RBM47: variants seen among roughly 807,000 people sequenced by gnomAD.
The protein encoded by RBM47 is RNA-binding protein 47.
A neutral mutation model predicts 47.1 loss-of-function variants in RBM47; 21 were observed. The observed-to-expected ratio is 0.45, with a 90% CI of 0.32 to 0.64. The LOEUF is 0.64. RBM47 is among the 30% of genes least tolerant of loss of function. The pLI is 0.05. For missense variants in RBM47, 708 were observed against 870.9 expected, an observed-to-expected ratio of 0.81 and a Z score of 2.35; for synonymous variants, 375 against 361.7, an observed-to-expected ratio of 1.04 and a Z score of -0.42.
chr4:40,481,480 AT>A (rs1464074002), intron 2 of RBM47, among the ~76,000 whole-genome samples: 2 of 114,196 alleles, frequency 1.8e-5, no homozygotes, highest in Admixed American at 9.0e-5. Flanking sequence ...TATTATTATT[AT>A]TATTATTTTT....
chr4:40,580,505 A>T (rs1455446086), intron 1 of RBM47, among the ~76,000 whole-genome samples: 1 of 152,162 alleles, frequency 6.6e-6, no homozygotes, highest in Non-Finnish European at 1.5e-5. Flanking sequence ...GATGCTGAAG[A>T]GAAAGCCCGA....
chr4:40,592,975 ATATATTTTTTT>A (rs1553906557), intron 1 of RBM47, among the ~76,000 whole-genome samples: 5 of 14,882 alleles, frequency 3.4e-4, no homozygotes, highest in Admixed American at 1.4e-3. Flanking sequence ...ATATATATAT[ATATATTTTTTT>A]TTTTTTTTTT....
chr4:40,584,240 C>T (rs1354593359), intron 1 of RBM47, among the ~76,000 whole-genome samples: 1 of 152,106 alleles, frequency 6.6e-6, no homozygotes, highest in African/African-American at 2.4e-5. Context: ...CTAGGATTAC[C>T]AGTATGAGCC....
chr4:40,440,189 T>C (rs1713412482), intron 3 of RBM47, among the ~76,000 whole-genome samples: 1 of 152,204 alleles, frequency 6.6e-6, no homozygotes, highest in South Asian at 2.1e-4. Context: ...TTCAGTTAAA[T>C]TTATAGAAAG....
chr4:40,568,799 G>A (rs1407519660), intron 1 of RBM47, among the ~76,000 whole-genome samples: 1 of 151,888 alleles, frequency 6.6e-6, no homozygotes, highest in African/African-American at 2.4e-5. Flanking sequence ...TAACTAACAT[G>A]GTGAAACCCC....
At chr4:40,556,447 A>G (rs931409275) in intron 1 of RBM47, among the ~76,000 whole-genome samples, 1 of 151,736 alleles carries the variant, frequency 6.6e-6, no homozygotes, top group African/African-American at 2.4e-5. Flanking sequence ...AGGCCAAGGT[A>G]GGAGGATCAC....
At chr4:40,487,430 CA>C (rs1721252589) in intron 2 of RBM47, among the ~76,000 whole-genome samples, 1 of 152,164 alleles carries the variant, frequency 6.6e-6, no homozygotes, top group African/African-American at 2.4e-5. Context: ...GCTGGGTCTA[CA>C]GGTGTGCACA....
chr4:40,466,334 A>C (rs1419418726), intron 3 of RBM47, among the ~76,000 whole-genome samples: 1 of 151,806 alleles, frequency 6.6e-6, no homozygotes, highest in Non-Finnish European at 1.5e-5. Flanking sequence ...TAAGGGTCAG[A>C]TTTATAAGCA....
rs200374378 is a variant in RBM47, at chr4:40,432,689, C to A, written c.1504G>T (p.Ala502Ser). The A allele has an allele frequency of 8.1e-6, 13 of 1,598,134 alleles. No individual in the cohort carries two copies. Among genetic ancestry groups the A allele is most frequent in the Non-Finnish European group, 1.0e-5 (12 of 1,172,560 alleles). ...GGCGTCGACACAGTGGGAATGACAG[C>A]GGCTGCGGCGGCTGCGGCCGCGGCT... ...AAAAAAAAAA[A>S]VIPTVSTPPP... The change falls in exon 6 of 7, where the codon GCT becomes TCT. Residue 502 changes from alanine (A) to serine (S), a missense_variant. Ala to Ser is a moderately conservative substitution (Grantham distance 99). Transcript: ENST00000295971.
chr4:40,565,451 C>T (rs148982097), intron 1 of RBM47, among the ~76,000 whole-genome samples: 1 of 152,050 alleles, frequency 6.6e-6, no homozygotes, highest in South Asian at 2.1e-4. Flanking sequence ...GAGGCCTGGC[C>T]GGTGGTGGTG....
intron 2 of RBM47, among the ~76,000 whole-genome samples, chr4:40,482,806 T>C (rs1720600458): frequency 1.3e-5 from 2 of 152,246 alleles, no homozygotes; most frequent in African/African-American, 4.8e-5. Context: ...AAATGAGTTA[T>C]GTGGAGTCTA....
intron 2 of RBM47, among the ~76,000 whole-genome samples, chr4:40,535,706 C>T (rs1560452714): frequency 6.6e-6 from 1 of 152,066 alleles, no homozygotes; most frequent in Non-Finnish European, 1.5e-5. Context: ...ATTACCAGCG[C>T]CTGCCACCAC....
chr4:40,560,819 ACC>A (rs556773947), intron 1 of RBM47, among the ~76,000 whole-genome samples: 60 of 152,078 alleles, frequency 3.9e-4, no homozygotes, highest in African/African-American at 1.4e-3. Context: ...ACAAAAAATT[ACC>A]CAGGCATGGT....
chr4:40,466,239 C>G (rs1350912035), intron 3 of RBM47, among the ~76,000 whole-genome samples: 1 of 145,642 alleles, frequency 6.9e-6, no homozygotes, highest in Non-Finnish European at 1.5e-5. Context: ...CTGCACTCCA[C>G]CCTGGGTAAC....
intron 4 of RBM47, among the ~76,000 whole-genome samples, chr4:40,437,086 A>ATATATATAT (rs1445157694): frequency 6.9e-5 from 4 of 58,042 alleles, no homozygotes; most frequent in African/African-American, 4.0e-4. Context: ...AAAAAAAAAA[A>ATATATATAT]AAAAATATAT....
chr4:40,599,791 A>G (rs1482964156), intron 1 of RBM47, among the ~76,000 whole-genome samples: 2 of 151,888 alleles, frequency 1.3e-5, no homozygotes, highest in East Asian at 3.8e-4. Context: ...AATACTACCA[A>G]CTAACCCCAG....
Position 40,432,718 on chromosome 4 carries a change from G to A in RBM47, c.1475C>T (p.Ala492Val). The A allele has an allele frequency of 6.2e-7, 1 of 1,611,026 alleles. No individual in the cohort carries two copies. The highest frequency in any genetic ancestry group is 8.5e-7 in the Non-Finnish European group (1 of 1,178,942). The change falls in exon 6 of 7, where the codon GCC becomes GTC. Residue 492 changes from alanine (A) to valine (V), a missense_variant. By Grantham distance (64) the Ala-to-Val change is moderately conservative. Coordinates refer to ENST00000295971, the MANE Select transcript of RBM47 (RefSeq NM_001098634.2). ...VQPDPASAAA[A>V]AAAAAAAAAA... ...TGCGGCGGCTGCGGCCGCGGCTGCG[G>A]CGGCAGCAGCACTGGCTGGGTCTGG...
intron 2 of RBM47, among the ~76,000 whole-genome samples, chr4:40,529,242 C>T (rs1348513767): frequency 1.3e-5 from 2 of 151,986 alleles, no homozygotes; most frequent in Non-Finnish European, 2.9e-5. Context: ...CGAGGTGGCT[C>T]ACGCCTGTAA....
chr4:40,518,427 C>G (rs766695246), intron 2 of RBM47, among the ~76,000 whole-genome samples: 1 of 152,048 alleles, frequency 6.6e-6, no homozygotes, highest in African/African-American at 2.4e-5. Context: ...CCACCTGCCT[C>G]GGCCTCCCAA....
Sources: allele counts gnomAD v4.1 joint callset (sites outside exome capture counted in the v4.1 genomes callset), GRCh38; gene constraint gnomAD v4.1.1; transcripts MANE v1.5; gene names NCBI Gene and HGNC (gene_info 2026-07-23, HGNC 2026-07-21).